SUFU: variants seen among roughly 807,000 people sequenced by gnomAD.
SUFU encodes the protein suppressor of fused homolog.
Under a neutral mutation model 58.9 loss-of-function variants are expected in SUFU, and 7 were observed. The observed-to-expected ratio is 0.12, with a 90% CI of 0.07 to 0.22. The LOEUF is 0.22. SUFU is among the 10% of genes least tolerant of loss of function. The pLI is 1.00. For missense variants in SUFU, 451 were observed against 641.3 expected, an observed-to-expected ratio of 0.70 and a Z score of 3.20; for synonymous variants, 232 against 254.8, an observed-to-expected ratio of 0.91 and a Z score of 0.85.
chr10:102,540,912 CT>C (rs2062791790), intron 2 of SUFU, among the ~76,000 whole-genome samples: 1 of 151,876 alleles, frequency 6.6e-6, no homozygotes, highest in African/African-American at 2.4e-5. Context: ...ATCCCAGCTA[CT>C]CGGGAGGCTG....
At chr10:102,602,980 G>A (rs2063527655) in intron 8 of SUFU, among the ~76,000 whole-genome samples, 1 of 152,180 alleles carries the variant, frequency 6.6e-6, no homozygotes, top group African/African-American at 2.4e-5. Flanking sequence ...TGTGCCACAT[G>A]AGGACAGCCT....
At chr10:102,578,177 G>A (rs1447900137) in intron 3 of SUFU, among the ~76,000 whole-genome samples, 1 of 148,942 alleles carries the variant, frequency 6.7e-6, no homozygotes. Context: ...GCGTGGTGGT[G>A]GGCGCTTGTA....
chr10:102,562,795 G>T (rs577141070), intron 3 of SUFU, among the ~76,000 whole-genome samples: 2 of 152,206 alleles, frequency 1.3e-5, no homozygotes, highest in Admixed American at 6.5e-5. Context: ...GGAGGCTGAG[G>T]CATGAGAATT....
intron 2 of SUFU, among the ~76,000 whole-genome samples, chr10:102,517,105 A>G (rs2062480331): frequency 6.7e-6 from 1 of 148,414 alleles, no homozygotes; most frequent in Admixed American, 6.7e-5. Context: ...CCTGGGCAAT[A>G]AGAGTGAAAC....
intron 8 of SUFU, 145 bp downstream of exon 8, chr10:102,599,689 C>A: frequency 1.3e-6 from 1 of 757,328 alleles, no homozygotes; most frequent in Non-Finnish European, 2.3e-6. Flanking sequence ...CAGGCATGGT[C>A]TGGGGCACAC....
chr10:102,619,259 C>G lies in SUFU; in HGVS notation c.1296+1831C>G, dbSNP rs2061568639. 4 of 1,464,264 alleles carry G rather than the reference C, an allele frequency of 2.7e-6. No individual in the cohort carries two copies. The highest frequency in any genetic ancestry group is 2.3e-5 in the Admixed American group (1 of 44,170). The allele number at this position is 1,464,264 out of a possible 1,614,324, so 90.7% of individuals were successfully genotyped here. ...CCCCAATTCCCCAAGCCCCTGACCC[C>G]CTAGCTGCCGGGGTTCCCACTCCCA... is the stretch of plus-strand genomic sequence containing the variant. On this transcript the variant is annotated intron_variant, in intron 10 of 11. Coordinates refer to ENST00000369902, the MANE Select transcript of SUFU (RefSeq NM_016169.4). This position sits in a 1 kb window ranked among gnomAD's most constrained non-coding sequence, Gnocchi z 4.2.
chr10:102,540,728 A>G (rs1003986709), intron 2 of SUFU, among the ~76,000 whole-genome samples: 23 of 151,328 alleles, frequency 1.5e-4, no homozygotes, highest in Non-Finnish European at 2.5e-4. Flanking sequence ...ATATATATAT[A>G]TATATATTTC....
chr10:102,513,403 T>G (rs540721985), intron 2 of SUFU, among the ~76,000 whole-genome samples: 2 of 152,344 alleles, frequency 1.3e-5, no homozygotes, highest in East Asian at 3.9e-4. Flanking sequence ...AAGCATTGAT[T>G]CATTTTTTCA....
chr10:102,523,345 C>G (rs1449301841), intron 2 of SUFU, among the ~76,000 whole-genome samples: 1 of 152,154 alleles, frequency 6.6e-6, no homozygotes. Flanking sequence ...CTCCGACCAC[C>G]AGTTTCTCTT....
At chr10:102,586,672 CA>C (rs966199059) in intron 3 of SUFU, among the ~76,000 whole-genome samples, 1 of 150,274 alleles carries the variant, frequency 6.7e-6, no homozygotes, top group Non-Finnish European at 1.5e-5. Flanking sequence ...GACTCCGTCT[CA>C]AAAAAAAAGA....
chr10:102,621,371 C>T (rs558179732), intron 10 of SUFU, among the ~76,000 whole-genome samples: 7 of 152,280 alleles, frequency 4.6e-5, no homozygotes, highest in South Asian at 4.1e-4. Flanking sequence ...ACTGTGATGC[C>T]GCCCTGTGTC....
chr10:102,538,596 C>CTACCACACACCCTCTGCT (rs2062766896), intron 2 of SUFU, among the ~76,000 whole-genome samples: 1 of 152,122 alleles, frequency 6.6e-6, no homozygotes, highest in African/African-American at 2.4e-5. Context: ...GTACAGAGAG[C>CTACCACACACCCTCTGCT]TACCACACAC....
intron 3 of SUFU, 127 bp downstream of exon 3, chr10:102,550,233 C>T: frequency 7.0e-7 from 1 of 1,431,928 alleles, no homozygotes; most frequent in Non-Finnish European, 9.5e-7. Context: ...CCCAATTCTA[C>T]CATGAGGATG....
At chr10:102,518,863 G>GTT (rs2062508334) in intron 2 of SUFU, among the ~76,000 whole-genome samples, 1 of 151,514 alleles carries the variant, frequency 6.6e-6, no homozygotes, top group African/African-American at 2.4e-5. Flanking sequence ...GGTCTGGCCG[G>GTT]GTGCGGTGGC....
intron 2 of SUFU, among the ~76,000 whole-genome samples, chr10:102,509,963 C>T (rs552061519): frequency 1.4e-4 from 21 of 152,066 alleles, no homozygotes; most frequent in Admixed American, 5.9e-4. Context: ...CTCAGCCTCC[C>T]GAGTAGCTGG....
rs370307566 is a variant in SUFU at position 102,618,931 on chromosome 10, C to CGCGCGT, written c.1296+1504_1296+1505insCGCGTG. 38 of 575,340 alleles carry CGCGCGT rather than the reference C, an allele frequency of 6.6e-5. No individual in the cohort carries two copies. The African/African-American group carries it at 8.7e-4, about 13-fold the overall frequency. The allele number at this position is 575,340 out of a possible 1,614,324, so 35.6% of individuals were successfully genotyped here. A position where few individuals can be genotyped will look rare whatever the true frequency, so the allele number is the denominator to read the frequency against. On this transcript the variant is annotated intron_variant, in intron 10 of 11. Coordinates refer to ENST00000369902, the MANE Select transcript of SUFU (RefSeq NM_016169.4). ...ATCATTCCCAAGTGTCCTCAGGTAG[C>CGCGCGT]GTGTGTGTGTGTGTGTGTGTGTGTG...
chr10:102,507,683 T>G (rs1448936629), intron 1 of SUFU, among the ~76,000 whole-genome samples: 5 of 152,238 alleles, frequency 3.3e-5, no homozygotes, highest in Non-Finnish European at 7.3e-5. Flanking sequence ...CAAGACCAAC[T>G]GGTTTTAAAT....
chr10:102,559,999 A>G (rs574102618), intron 3 of SUFU, among the ~76,000 whole-genome samples: 3 of 152,274 alleles, frequency 2.0e-5, no homozygotes, highest in African/African-American at 4.8e-5. Context: ...ATGGCACTGC[A>G]TGAGTAGGGA....
At chr10:102,606,409 G>A (rs1362607732) in intron 8 of SUFU, among the ~76,000 whole-genome samples, 2 of 152,162 alleles carry the variant, frequency 1.3e-5, no homozygotes, top group Admixed American at 6.5e-5. Context: ...AGTTTTTATT[G>A]CGCATCACCT....
Sources: allele counts gnomAD v4.1 joint callset (sites outside exome capture counted in the v4.1 genomes callset), GRCh38; gene constraint gnomAD v4.1.1; non-coding constraint Gnocchi (gnomAD v3.1); transcripts MANE v1.5; gene names NCBI Gene and HGNC (gene_info 2026-07-23, HGNC 2026-07-21).